The following PIAS1 variants were observed in gnomAD, a reference collection of about 807,000 sequenced individuals.
PIAS1 encodes protein inhibitor of activated STAT 1.
A neutral mutation model predicts 71.3 loss-of-function variants in PIAS1; 6 were observed. That is an observed-to-expected ratio of 0.08 (90% CI 0.05 to 0.17). The LOEUF (loss-of-function observed/expected upper bound fraction) is 0.17, where lower values mean the gene tolerates loss of function less well. Among genes scored for constraint, PIAS1 ranks in the 10% least tolerant of loss-of-function variants. The pLI is 1.00. For missense variants in PIAS1, 555 were observed against 793.6 expected, an observed-to-expected ratio of 0.70 and a Z score of 3.61; for synonymous variants, 303 against 292.9, an observed-to-expected ratio of 1.03 and a Z score of -0.35.
chr15:68,106,667 C>CCT (rs1183908554), intron 2 of PIAS1, among the ~76,000 whole-genome samples: 2 of 151,998 alleles, frequency 1.3e-5, no homozygotes, highest in African/African-American at 2.4e-5. Context: ...TGTAGACATG[C>CCT]CTCTTCTTAT....
intron 2 of PIAS1, among the ~76,000 whole-genome samples, chr15:68,108,916 T>A (rs2092497595): frequency 6.6e-6 from 1 of 152,218 alleles, no homozygotes; most frequent in Non-Finnish European, 1.5e-5. Flanking sequence ...ATTATTATGT[T>A]AATCTCTGTG....
At chr15:68,146,407 A>G (rs1346990770) in intron 5 of PIAS1, among the ~76,000 whole-genome samples, 159 bp from the exon 6 acceptor site, 1 of 152,220 alleles carries the variant, frequency 6.6e-6, no homozygotes, top group Non-Finnish European at 1.5e-5. Context: ...GTTTGGAAAA[A>G]TAATAACACA....
At position 68,178,265 on chromosome 15, in the gene PIAS1, ATC is replaced by A. The variant is rs1283721749; in HGVS notation, c.1481+1614_1481+1615del. On this transcript the variant is annotated intron_variant, in intron 11 of 13. Coordinates refer to ENST00000249636, the MANE Select transcript of PIAS1 (RefSeq NM_016166.3). This position sits in a 1 kb window ranked among gnomAD's most constrained non-coding sequence, Gnocchi z 4.2. ...AACCTGGGTGACAGAATGAGACCCC[ATC>A]TCAAAAAAAAATAAGATTTCAGTCA... 3.9e-5 allele frequency among the ~76,000 whole-genome samples: 6 copies of A among 152,050 alleles called. No individual in the cohort carries two copies. Among genetic ancestry groups the A allele is most frequent in the Non-Finnish European group, 5.9e-5 (4 of 68,030 alleles).
intron 11 of PIAS1, among the ~76,000 whole-genome samples, chr15:68,179,742 A>C (rs558300625): frequency 6.7e-6 from 1 of 150,070 alleles, no homozygotes; most frequent in South Asian, 2.1e-4. Context: ...TGCCTGGCTA[A>C]TTTTTTGTAT....
At chr15:68,152,152 C>T (rs926237607) in intron 6 of PIAS1, among the ~76,000 whole-genome samples, 23 of 151,538 alleles carry the variant, frequency 1.5e-4, no homozygotes, top group Non-Finnish European at 2.4e-4. Flanking sequence ...GGTTTTACCA[C>T]GTTAGCCAGG....
chr15:68,072,399 CAAAAAAAAAAAAAAA>C (rs1166484451), intron 1 of PIAS1, among the ~76,000 whole-genome samples: 151 of 25,030 alleles, frequency 6.0e-3, no homozygotes, highest in Middle Eastern at 0.026. Context: ...GACTCCATCT[CAAAAAAAAAAAAAAA>C]AAAAAAAAAA....
chr15:68,124,539 TG>T (rs1337370665), intron 2 of PIAS1, among the ~76,000 whole-genome samples: 1 of 151,972 alleles, frequency 6.6e-6, no homozygotes, highest in African/African-American at 2.4e-5. Context: ...CTGGCCAACA[TG>T]GTGAAACCCC....
intron 2 of PIAS1, among the ~76,000 whole-genome samples, chr15:68,098,507 G>C (rs2092396949): frequency 6.6e-6 from 1 of 152,112 alleles, no homozygotes; most frequent in Non-Finnish European, 1.5e-5. Flanking sequence ...AATCTGTGTT[G>C]TTCAAGGGTC....
chr15:68,086,656 TAC>T lies in PIAS1; in HGVS notation c.377_378del (p.Thr126IlefsTer19), dbSNP rs1372966928. 6.2e-7 allele frequency: 1 copy of T among 1,613,408 alleles called. No homozygotes were observed. The highest frequency in any genetic ancestry group is 1.7e-5 in the Admixed American group (1 of 60,012). On this transcript the variant is annotated frameshift_variant, in exon 2 of 14. Coordinates refer to ENST00000249636, the MANE Select transcript of PIAS1 (RefSeq NM_016166.3). LOFTEE classifies it high-confidence loss of function. This position sits in a 1 kb window ranked among gnomAD's most constrained non-coding sequence, Gnocchi z 7.2. ...AACATGAACTGGAACTCCCACATCT[TAC>T]ATCAGCTCTTCACCCAGTCCATCCG... ...PKHELELPHL[T>X]SALHPVHPDI... is the part of the protein sequence containing the mutation.
intron 1 of PIAS1, among the ~76,000 whole-genome samples, chr15:68,075,806 G>A (rs2092157191): frequency 6.8e-6 from 1 of 146,144 alleles, no homozygotes; most frequent in Non-Finnish European, 1.5e-5. Flanking sequence ...TTTTAAGATG[G>A]AGTTTTACTC....
chr15:68,119,237 CAA>C (rs60879036), intron 2 of PIAS1, among the ~76,000 whole-genome samples: 6 of 27,406 alleles, frequency 2.2e-4, no homozygotes, highest in African/African-American at 5.8e-4. Context: ...CCATCTCTAC[CAA>C]AAAAAAAAAA....
chr15:68,074,341 A>G (rs556071124), intron 1 of PIAS1, among the ~76,000 whole-genome samples: 1 of 152,198 alleles, frequency 6.6e-6, no homozygotes, highest in East Asian at 1.9e-4. Flanking sequence ...ATTTAAAAAA[A>G]TTTTATTTTT....
At chr15:68,071,574 CAAAT>C (rs1266818974) in intron 1 of PIAS1, among the ~76,000 whole-genome samples, 6 of 151,546 alleles carry the variant, frequency 4.0e-5, no homozygotes, top group Non-Finnish European at 5.9e-5. Flanking sequence ...ACCAACAAAA[CAAAT>C]AACCATGTAA....
chr15:68,136,942 G>A (rs141537071), intron 2 of PIAS1, among the ~76,000 whole-genome samples: 237 of 152,216 alleles, frequency 1.6e-3, no homozygotes, highest in African/African-American at 5.3e-3. Flanking sequence ...AGGAAATTCA[G>A]CAAATAACAA....
chr15:68,172,253 T>C (rs922216894), intron 8 of PIAS1, among the ~76,000 whole-genome samples: 1 of 152,234 alleles, frequency 6.6e-6, no homozygotes, highest in Non-Finnish European at 1.5e-5. Flanking sequence ...TCATCCTTTT[T>C]TATGGCTGCA....
At chr15:68,168,439 G>A (rs8041570) in intron 8 of PIAS1, among the ~76,000 whole-genome samples, 151,402 of 152,316 alleles carry the variant, frequency 0.99, 75,256 homozygotes, top group Middle Eastern at 1. Flanking sequence ...CTCTTGCAGC[G>A]TCATCAGTTA....
chr15:68,109,249 A>T (rs1270998890), intron 2 of PIAS1, among the ~76,000 whole-genome samples: 1 of 152,132 alleles, frequency 6.6e-6, no homozygotes, highest in Non-Finnish European at 1.5e-5. Flanking sequence ...AATATGTCTG[A>T]TGAGACACCT....
rs2093104719 is a variant in PIAS1 at position 68,188,891 on chromosome 15, C to T, written c.*1056C>T. The T allele has an allele frequency of 6.6e-6, 1 of 152,104 alleles. No individual in the cohort carries two copies. Among genetic ancestry groups the T allele is most frequent in the Admixed American group, 6.6e-5 (1 of 15,266 alleles). The allele number at this position is 152,104 out of a possible 1,614,324, so 9.4% of individuals were successfully genotyped here. A position where few individuals can be genotyped will look rare whatever the true frequency, so the allele number is the denominator to read the frequency against. On this transcript the variant is annotated 3_prime_UTR_variant, in exon 14 of 14. Coordinates refer to ENST00000249636, the MANE Select transcript of PIAS1 (RefSeq NM_016166.3). ...GCAGCTGACAGAGGTAATGTTACAT[C>T]ACCTAAAAAAGAAAGATACACGGTC... is the stretch of plus-strand genomic sequence containing the variant.
chr15:68,178,573 A>G lies in PIAS1; in HGVS notation c.1481+1919A>G, dbSNP rs138062360. 9.8e-5 allele frequency among the ~76,000 whole-genome samples: 15 copies of G among 152,370 alleles called. No individual in the cohort carries two copies. In the East Asian group the frequency reaches 2.9e-3, roughly 29 times the overall value. On this transcript the variant is annotated intron_variant, in intron 11 of 13. Transcript: ENST00000249636. The surrounding 1 kb of genome is among the most constrained non-coding windows in gnomAD (Gnocchi z 4.2). ...CAAGTATCTATAGAATTTCAATTCC[A>G]AGATATTTTGTAAATATCAAACCAT... is the stretch of plus-strand genomic sequence containing the variant.
Sources: allele counts gnomAD v4.1 joint callset (sites outside exome capture counted in the v4.1 genomes callset), GRCh38; gene constraint gnomAD v4.1.1; non-coding constraint Gnocchi (gnomAD v3.1); transcripts MANE v1.5; gene names NCBI Gene and HGNC (gene_info 2026-07-23, HGNC 2026-07-21).